GPR19: variants seen among roughly 807,000 people sequenced by gnomAD.
GPR19 encodes the protein probable G protein-coupled receptor 19.
In GPR19, 14 loss-of-function variants were observed where a neutral mutation model predicts 28.5. That is an observed-to-expected ratio of 0.49 (90% CI 0.32 to 0.77). The LOEUF is 0.77. GPR19 is among the 30% of genes least tolerant of loss of function. The pLI is 0.03. For missense variants in GPR19, 409 were observed against 504.1 expected (o/e 0.81, Z 1.81); for synonymous variants, 173 against 184.1 (o/e 0.94, Z 0.49).
At chr12:12,706,959 A>G in the GPR19 span, among the ~76,000 whole-genome samples, 1 of 152,202 alleles carries the variant, frequency 6.6e-6, no homozygotes, top group Non-Finnish European at 1.5e-5. Context: ...AAAAAACTCT[A>G]TGCTCAAGGA....
At chr12:12,665,710 G>T (rs970222675) in intron 3 of GPR19, among the ~76,000 whole-genome samples, 7 of 150,944 alleles carry the variant, frequency 4.6e-5, no homozygotes, top group African/African-American at 1.7e-4. Context: ...GGTGGTGGGC[G>T]CCTGTAGTCC....
At chr12:12,710,261 G>A in the GPR19 span, among the ~76,000 whole-genome samples, 1 of 150,586 alleles carries the variant, frequency 6.6e-6, no homozygotes. Flanking sequence ...GCTGAGGCAG[G>A]AGAATCGTTT....
At chr12:12,696,446 T>A (rs1946264292), upstream of GPR19, among the ~76,000 whole-genome samples, 1 of 146,160 alleles carries the variant, frequency 6.8e-6, no homozygotes, top group Non-Finnish European at 1.5e-5. Context: ...TAGGCTAATA[T>A]AACTAGCCGA....
At chr12:12,679,439 A>G (rs1266208621) in intron 3 of GPR19, among the ~76,000 whole-genome samples, 1 of 151,810 alleles carries the variant, frequency 6.6e-6, no homozygotes, top group Non-Finnish European at 1.5e-5. Flanking sequence ...AAAAAAAAAA[A>G]AAAAAAAAAT....
chr12:12,707,317 G>A, the GPR19 span, among the ~76,000 whole-genome samples: 103 of 152,262 alleles, frequency 6.8e-4, no homozygotes, highest in African/African-American at 1.8e-3. Flanking sequence ...TTGATTTGTC[G>A]TGTTAGCACT....
the GPR19 span, among the ~76,000 whole-genome samples, chr12:12,711,029 T>C: frequency 1.8e-4 from 28 of 152,166 alleles, no homozygotes; most frequent in African/African-American, 5.8e-4. Flanking sequence ...AGTGGGCCGG[T>C]GTGGTAGCTC....
chr12:12,697,159 A>AAAAAAAAAAAAAAC, upstream of GPR19, among the ~76,000 whole-genome samples: 1 of 147,314 alleles, frequency 6.8e-6, no homozygotes, highest in African/African-American at 2.5e-5. Flanking sequence ...GAAGTAAAAA[A>AAAAAAAAAAAAAAC]AAAAAAAAAA....
Position 12,662,259 on chromosome 12 carries a change from C to T in GPR19, c.190G>A (p.Glu64Lys). The T allele has an allele frequency of 1.2e-6, 2 of 1,614,190 alleles. No individual in the cohort carries two copies. Among genetic ancestry groups the T allele is most frequent in the Non-Finnish European group, 1.7e-6 (2 of 1,180,026 alleles). ...AAGAAGATGCTGGCTGTGGCCACTT[C>T]CCCGGGTTTCAGCACATAGTGAAGG... ...TDLHYVLKPG[E>K]VATASIFFGI... Residue 64 changes from glutamate (E) to lysine (K), a missense_variant, in exon 4 of 4, where the codon GAA (glutamate) becomes AAA (lysine). By Grantham distance (56) the Glu-to-Lys change is moderately conservative. Coordinates refer to ENST00000651487, the MANE Select transcript of GPR19 (RefSeq NM_006143.3).
chr12:12,701,223 T>C, the GPR19 span, among the ~76,000 whole-genome samples: 1 of 152,252 alleles, frequency 6.6e-6, no homozygotes, highest in East Asian at 1.9e-4. Flanking sequence ...AAGGAAGGCA[T>C]TCTTGCAGAA....
the GPR19 span, among the ~76,000 whole-genome samples, chr12:12,710,620 T>C: frequency 6.6e-6 from 1 of 152,176 alleles, no homozygotes; most frequent in Non-Finnish European, 1.5e-5. Flanking sequence ...CACTATAACA[T>C]TGAACTCCTG....
At chr12:12,668,985 G>T (rs1208261019) in intron 3 of GPR19, 1 of 152,196 alleles carries the variant, frequency 6.6e-6, no homozygotes, top group South Asian at 2.1e-4. Flanking sequence ...TACCATCAGG[G>T]TTTCCTGACC....
At chr12:12,696,796 T>G (rs1946269551), upstream of GPR19, among the ~76,000 whole-genome samples, 3 of 152,212 alleles carry the variant, frequency 2.0e-5, no homozygotes, top group South Asian at 6.2e-4. Context: ...ATGAAAGTCA[T>G]GTTTTCATTT....
At chr12:12,699,774 T>G (rs958885613), upstream of GPR19, among the ~76,000 whole-genome samples, 1 of 152,212 alleles carries the variant, frequency 6.6e-6, no homozygotes, top group Non-Finnish European at 1.5e-5. Context: ...TGCCCTTGCC[T>G]CCATCTACTG....
At chr12:12,700,031 T>C (rs2136342687), upstream of GPR19, among the ~76,000 whole-genome samples, 1 of 151,544 alleles carries the variant, frequency 6.6e-6, no homozygotes, top group African/African-American at 2.4e-5. Flanking sequence ...CCTGCTGGTC[T>C]TGAACACCTG....
chr12:12,702,992 A>C, the GPR19 span, among the ~76,000 whole-genome samples: 3 of 152,094 alleles, frequency 2.0e-5, no homozygotes, highest in African/African-American at 7.2e-5. Flanking sequence ...AGTTTCCTTA[A>C]ATTTTCTATA....
the GPR19 span, among the ~76,000 whole-genome samples, chr12:12,704,637 G>A: frequency 6.6e-6 from 1 of 152,188 alleles, no homozygotes; most frequent in African/African-American, 2.4e-5. Flanking sequence ...TAAATTTGGT[G>A]GGGATTAAAA....
intron 2 of GPR19, among the ~76,000 whole-genome samples, chr12:12,690,788 C>G (rs1041296692): frequency 1.3e-5 from 2 of 152,216 alleles, no homozygotes; most frequent in Admixed American, 1.3e-4. Context: ...AACTCAGATA[C>G]AGAGCCAGAT....
chr12:12,700,141 T>A (rs1313919801), upstream of GPR19, among the ~76,000 whole-genome samples: 1 of 79,082 alleles, frequency 1.3e-5, no homozygotes, highest in Non-Finnish European at 2.8e-5. Flanking sequence ...GCCTCTCTCT[T>A]CTTTTTTCTC....
At chr12:12,696,335 C>T (rs1056078075), upstream of GPR19, 8 of 137,288 alleles carry the variant, frequency 5.8e-5, no homozygotes, top group Non-Finnish European at 1.2e-4. Context: ...AGATCCCACC[C>T]GCCCTTTTTT....
Sources: gnomAD v4.1 joint callset for allele counts (sites outside exome capture counted in the v4.1 genomes callset) on GRCh38, gnomAD v4.1.1 for gene constraint, MANE v1.5 for transcripts, NCBI Gene and HGNC (gene_info 2026-07-23, HGNC 2026-07-21) for gene names.